Variants in STK3 observed in about 807,000 individuals in gnomAD.
The protein encoded by STK3 is serine/threonine-protein kinase 3.
A neutral mutation model predicts 58.0 loss-of-function variants in STK3; 41 were observed. The observed-to-expected ratio is 0.71, with a 90% CI of 0.55 to 0.92. The LOEUF is 0.92. Ranked by LOEUF, STK3 falls within the 40% of genes least tolerant of loss-of-function variation. The probability of loss-of-function intolerance (pLI) is 0.00; values close to 1 mark genes in which losing one functional copy is unlikely to be tolerated. For missense variants in STK3, 479 were observed against 602.7 expected (o/e 0.79, Z 2.15); for synonymous variants, 170 against 191.0 (o/e 0.89, Z 0.91).
chr8:98,454,255 G>A (rs1245052016), downstream of STK3, among the ~76,000 whole-genome samples: 1 of 152,178 alleles, frequency 6.6e-6, no homozygotes, highest in Non-Finnish European at 1.5e-5. Flanking sequence ...TACTCTTCCT[G>A]ACTCCCTCGA....
intron 8 of STK3, among the ~76,000 whole-genome samples, chr8:98,565,408 A>G (rs1010028820): frequency 1.3e-5 from 2 of 152,166 alleles, no homozygotes; most frequent in Non-Finnish European, 2.9e-5. Context: ...GTAATAAAGC[A>G]TATAAACTCT....
At position 98,402,529 on chromosome 8, in the gene STK3, C is replaced by T. The variant is rs552318148; in HGVS notation, n.484-1016G>A. 3.5e-4 allele frequency among the ~76,000 whole-genome samples: 54 copies of T among 152,190 alleles called. 1 individual carries two copies. The highest frequency in any genetic ancestry group is 3.3e-4 in the Admixed American group (5 of 15,286). ...GTTCTGTGTCCCCAGTACAGCAGAGCAAAGCCAGATAGGTGCTCTCCTCTG... is the reference window on the plus strand; with the variant it reads ...GTTCTGTGTCCCCAGTACAGCAGAGTAAAGCCAGATAGGTGCTCTCCTCTG... On this transcript the variant is annotated intron_variant and non_coding_transcript_variant, in intron 3 of 3. Coordinates refer to the STK3 transcript ENST00000517832.
intron 3 of STK3, among the ~76,000 whole-genome samples, 165 bp from the exon 4 acceptor site, chr8:98,749,555 C>T (rs1829840961): frequency 6.6e-6 from 1 of 152,038 alleles, no homozygotes. Flanking sequence ...ACCAACTATG[C>T]ATAATTAGGC....
At chr8:98,655,177 G>GCCGC (rs1367795718) in intron 6 of STK3, among the ~76,000 whole-genome samples, 4 of 151,870 alleles carry the variant, frequency 2.6e-5, no homozygotes, top group Non-Finnish European at 1.5e-5. Context: ...CAGAAATAAC[G>GCCGC]CCGCATACCT....
At chr8:98,667,208 T>G (rs2130819392) in intron 6 of STK3, among the ~76,000 whole-genome samples, 1 of 152,280 alleles carries the variant, frequency 6.6e-6, no homozygotes, top group South Asian at 2.1e-4. Flanking sequence ...TACTCCAACA[T>G]GAGTTCACAA....
rs934785044 is a variant in STK3, at chr8:98,649,336, C to CA, written c.685-53168dup. 9.2e-5 allele frequency among the ~76,000 whole-genome samples: 14 copies of CA among 151,920 alleles called. 2 individuals are homozygous for CA. Among genetic ancestry groups the CA allele is most frequent in the Admixed American group, 4.6e-4 (7 of 15,250 alleles). On this transcript the variant is annotated intron_variant, in intron 6 of 10. Transcript: ENST00000419617. ...CCAATGAGATCCCACATATAAGTTA[C>CA]AAAAAAAATCATTATATGATTAGAT... is the stretch of plus-strand genomic sequence containing the variant.
chr8:98,402,629 T>C (rs1350575086), intron 3 of STK3, among the ~76,000 whole-genome samples: 3 of 152,212 alleles, frequency 2.0e-5, no homozygotes, highest in African/African-American at 7.2e-5. Context: ...GAGTTCAGCC[T>C]GAATCATCTG....
intron 1 of STK3, among the ~76,000 whole-genome samples, chr8:98,802,468 G>C (rs1383822665): frequency 6.6e-6 from 1 of 152,136 alleles, no homozygotes; most frequent in Non-Finnish European, 1.5e-5. Context: ...ATATATAGGG[G>C]AATATATTAT....
At chr8:98,714,554 G>A (rs1045399988) in intron 4 of STK3, among the ~76,000 whole-genome samples, 2 of 152,064 alleles carry the variant, frequency 1.3e-5, no homozygotes, top group Non-Finnish European at 2.9e-5. Context: ...AGAATAAAAT[G>A]CCTAGGAATC....
intron 1 of STK3, among the ~76,000 whole-genome samples, chr8:98,919,840 G>A (rs935094197): frequency 1.3e-5 from 2 of 152,172 alleles, no homozygotes; most frequent in Admixed American, 1.3e-4. Context: ...CCAGGAAGGG[G>A]CTCTGTGGGA....
At chr8:98,679,009 A>G (rs1029261575) in intron 6 of STK3, among the ~76,000 whole-genome samples, 1 of 152,208 alleles carries the variant, frequency 6.6e-6, no homozygotes, top group Non-Finnish European at 1.5e-5. Flanking sequence ...CAGTGCTCTC[A>G]TATACCTAAT....
intron 6 of STK3, among the ~76,000 whole-genome samples, chr8:98,680,880 A>C (rs923599799): frequency 6.6e-6 from 1 of 152,198 alleles, no homozygotes; most frequent in African/African-American, 2.4e-5. Flanking sequence ...ATAGAGTATA[A>C]AAAGAAACTG....
chr8:98,666,717 T>C (rs888676080), intron 6 of STK3, among the ~76,000 whole-genome samples: 1 of 152,184 alleles, frequency 6.6e-6, no homozygotes, highest in African/African-American at 2.4e-5. Context: ...TAAACAATTC[T>C]GGTCTCTGGA....
intron 3 of STK3, among the ~76,000 whole-genome samples, chr8:98,760,558 G>C (rs1391263181): frequency 6.6e-6 from 1 of 152,184 alleles, no homozygotes; most frequent in Admixed American, 6.5e-5. Flanking sequence ...GGTGAAATAT[G>C]ATGCCTTAAT....
chr8:98,576,111 T>C (rs748099906), intron 8 of STK3, among the ~76,000 whole-genome samples: 14 of 152,206 alleles, frequency 9.2e-5, no homozygotes, highest in Non-Finnish European at 1.8e-4. Context: ...TTCATTCTTT[T>C]ACATGTGGCT....
At chr8:98,712,993 C>G (rs1423793028) in intron 4 of STK3, among the ~76,000 whole-genome samples, 3 of 152,188 alleles carry the variant, frequency 2.0e-5, no homozygotes, top group African/African-American at 4.8e-5. Context: ...CTCAAAACCG[C>G]TCAACTACAT....
intron 3 of STK3, among the ~76,000 whole-genome samples, chr8:98,858,055 C>T (rs1836744588): frequency 1.3e-5 from 2 of 151,612 alleles, no homozygotes; most frequent in African/African-American, 4.8e-5. Context: ...AAATGGACAA[C>T]AATTTTTTAT....
At chr8:98,925,684 C>T (rs757072824) in intron 1 of STK3, among the ~76,000 whole-genome samples, 4 of 152,114 alleles carry the variant, frequency 2.6e-5, no homozygotes, top group African/African-American at 7.2e-5. Flanking sequence ...TTTTTGATTG[C>T]CCTTGCTGCT....
intron 1 of STK3, among the ~76,000 whole-genome samples, chr8:98,787,143 TG>T (rs1832516562): frequency 9.0e-6 from 1 of 110,834 alleles, no homozygotes; most frequent in Admixed American, 1.4e-4. Flanking sequence ...CACTCCAATC[TG>T]GCAACAGAGC....
Sources: gnomAD v4.1 joint callset for allele counts (sites outside exome capture counted in the v4.1 genomes callset) on GRCh38, gnomAD v4.1.1 for gene constraint, MANE v1.5 for transcripts, NCBI Gene and HGNC (gene_info 2026-07-23, HGNC 2026-07-21) for gene names.